NAV1: variants seen among roughly 807,000 people sequenced by gnomAD.
NAV1 encodes the protein pore membrane and/or filament interacting like protein 3.
A neutral mutation model predicts 175.2 loss-of-function variants in NAV1; 18 were observed. The ratio of observed to expected loss-of-function variants is 0.10; its 90% CI spans 0.07 to 0.15. The LOEUF (loss-of-function observed/expected upper bound fraction) is 0.15, where lower values mean the gene tolerates loss of function less well. NAV1 is among the 10% of genes least tolerant of loss of function. The pLI is 1.00. For synonymous variants in NAV1, 897 were observed against 978.7 expected, an observed-to-expected ratio of 0.92 and a Z score of 1.56; for missense variants, 1,731 against 2,436.6, an observed-to-expected ratio of 0.71 and a Z score of 6.10.
At chr1:201,545,211 C>G (rs893210957) in intron 1 of NAV1, among the ~76,000 whole-genome samples, 13 of 152,122 alleles carry the variant, frequency 8.5e-5, no homozygotes, top group African/African-American at 2.9e-4. Flanking sequence ...AACCCCACAC[C>G]TGCATAGATT....
At chr1:201,709,378 T>A (rs1171557100) in intron 1 of NAV1, among the ~76,000 whole-genome samples, 4 of 152,180 alleles carry the variant, frequency 2.6e-5, no homozygotes, top group Non-Finnish European at 4.4e-5. Context: ...CTTACTCATA[T>A]TTTTAAGCTA....
chr1:201,582,256 A>T (rs1372544878), intron 1 of NAV1, among the ~76,000 whole-genome samples: 1 of 152,198 alleles, frequency 6.6e-6, no homozygotes, highest in Non-Finnish European at 1.5e-5. Context: ...TCATATTTGC[A>T]AGAGAGGAAA....
intron 2 of NAV1, among the ~76,000 whole-genome samples, chr1:201,604,744 A>AAGAAAGAAAGAG (rs1435618132): frequency 2.0e-5 from 3 of 149,614 alleles, no homozygotes; most frequent in African/African-American, 7.3e-5. Flanking sequence ...GAAAGAAAGA[A>AAGAAAGAAAGAG]AGAGAGAGAG....
At chr1:201,781,220 A>C in exon 5 of NAV1, 1 of 1,614,016 alleles carries the variant, frequency 6.2e-7, no homozygotes, top group Non-Finnish European at 8.5e-7. Flanking sequence ...AGCCTGGGCC[A>C]CCCTGGTTCC....
Position 201,615,275 on chromosome 1 carries a change from T to TTG in NAV1, c.-32-7577_-32-7576insGT, listed in dbSNP as rs796937260. Among the ~76,000 whole-genome samples, 163 of 151,408 alleles carry TTG rather than the reference T, an allele frequency of 1.1e-3. 2 individuals carry two copies. Among genetic ancestry groups the TTG allele is most frequent in the African/African-American group, 3.9e-3 (160 of 41,224 alleles). ...TCTTTCTTTCTTTCTTTCTTTTTTT[T>TTG]TTTGTTTGAGATGGAGTCTCACTCT... On this transcript the variant is annotated intron_variant, in intron 2 of 33. Coordinates refer to the NAV1 transcript ENST00000685211.
intron 1 of NAV1, among the ~76,000 whole-genome samples, chr1:201,678,733 AC>A (rs1670355178): frequency 6.6e-6 from 1 of 152,026 alleles, no homozygotes; most frequent in Non-Finnish European, 1.5e-5. Context: ...GTTTCTTACC[AC>A]CCACTCACCA....
At chr1:201,784,814 T>C (rs1321072652) in intron 7 of NAV1, among the ~76,000 whole-genome samples, 1 of 152,168 alleles carries the variant, frequency 6.6e-6, no homozygotes, top group Non-Finnish European at 1.5e-5. Context: ...TCGCCCAGGC[T>C]GGAGTGCAGT....
At chr1:201,575,403 TAGC>T (rs1258283792) in intron 1 of NAV1, among the ~76,000 whole-genome samples, 1 of 152,222 alleles carries the variant, frequency 6.6e-6, no homozygotes, top group East Asian at 1.9e-4. Context: ...AGGGAATTTA[TAGC>T]ATGTCCAGTT....
chr1:201,692,568 A>G (rs1017426635), intron 1 of NAV1, among the ~76,000 whole-genome samples: 4 of 152,314 alleles, frequency 2.6e-5, no homozygotes, highest in African/African-American at 9.6e-5. Flanking sequence ...AAAAGCATTT[A>G]TGGTGTCTGG....
At chr1:201,633,598 C>T (rs963203913) in intron 2 of NAV1, among the ~76,000 whole-genome samples, 2 of 152,218 alleles carry the variant, frequency 1.3e-5, no homozygotes, top group East Asian at 1.9e-4. Context: ...AGCCACAGTC[C>T]CTGCTCACAT....
chr1:201,706,925 G>A (rs527908819), intron 1 of NAV1, among the ~76,000 whole-genome samples: 1 of 152,214 alleles, frequency 6.6e-6, no homozygotes, highest in South Asian at 2.1e-4. Context: ...GAATTTTGGG[G>A]GGTTATTACC....
In NAV1 at chr1:201,790,776, A is replaced by G; in HGVS notation, c.3321+10A>G. On this transcript the variant is annotated intron_variant, in intron 13 of 29. Transcript: ENST00000367296. The stretch of plus-strand genomic sequence containing the variant: ...TCAGCTTTCTGCCAATGTGAGTGCC[A>G]TGAAGTACGGAAAGATCAAGGCAGT... 4.3e-6 allele frequency: 7 copies of G among 1,613,914 alleles called. No homozygotes were observed. The highest frequency in any genetic ancestry group is 5.9e-6 in the Non-Finnish European group (7 of 1,179,784).
intron 2 of NAV1, among the ~76,000 whole-genome samples, chr1:201,596,035 C>G (rs1667338359): frequency 6.6e-6 from 1 of 152,216 alleles, no homozygotes; most frequent in South Asian, 2.1e-4. Context: ...CTTAGCGACC[C>G]CACGTCTTGA....
rs545266663 is a variant in NAV1, at chr1:201,554,339, C to T, written c.-144+14997C>T. ...TGAAGCTGTTTTACCAGCAGGACGGCCCTAATGGCAGGGACCACGTCTGTT... is the reference window on the plus strand; with the variant it reads ...TGAAGCTGTTTTACCAGCAGGACGGTCCTAATGGCAGGGACCACGTCTGTT... On this transcript the variant is annotated intron_variant, in intron 1 of 33. Coordinates refer to the NAV1 transcript ENST00000685211. Among the ~76,000 whole-genome samples the T allele has an allele frequency of 1.2e-4, 18 of 152,260 alleles. No individual in the cohort carries two copies. In the South Asian group the frequency reaches 1.5e-3, roughly 12 times the overall value.
intron 1 of NAV1, among the ~76,000 whole-genome samples, chr1:201,559,267 G>A (rs1666127265): frequency 6.6e-6 from 1 of 152,112 alleles, no homozygotes; most frequent in African/African-American, 2.4e-5. Flanking sequence ...TGGTTATAAA[G>A]GGCCTGGCTA....
rs561550014 is a variant in NAV1 at position 201,740,195 on chromosome 1, T to C, written c.1226+21440T>C. On this transcript the variant is annotated intron_variant, in intron 3 of 29. Transcript: ENST00000367296. The surrounding 1 kb of genome is among the most constrained non-coding windows in gnomAD (Gnocchi z 4.7). The stretch of plus-strand genomic sequence containing the variant: ...GCCGCAGCTGCAGTCTCAGGGGCAG[T>C]GGGTGTGGGGTCCGCAAGAAGGAGG... 1.3e-4 allele frequency: 111 copies of C among 842,306 alleles called. No homozygotes were observed. Among genetic ancestry groups the C allele is most frequent in the Non-Finnish European group, 1.6e-4 (89 of 566,704 alleles). 52.2% of individuals were successfully genotyped at this position (842,306 alleles called of 1,614,324 possible).
At chr1:201,723,544 C>T (rs1343051861) in intron 3 of NAV1, 1 of 152,180 alleles carries the variant, frequency 6.6e-6, no homozygotes, top group Admixed American at 6.5e-5. Context: ...CCTACGTTTT[C>T]TTCTGAGAGT....
chr1:201,582,382 A>C (rs1387262009), intron 1 of NAV1, among the ~76,000 whole-genome samples: 1 of 152,264 alleles, frequency 6.6e-6, no homozygotes, highest in Non-Finnish European at 1.5e-5. Flanking sequence ...CTGGAAGCAC[A>C]CAGGACCAGT....
chr1:201,811,963 C>T (rs140930855), exon 26 of NAV1: 3 of 1,614,138 alleles, frequency 1.9e-6, no homozygotes, highest in Non-Finnish European at 2.5e-6. Context: ...ATGGCTTGCA[C>T]TTGAGCTTCA....
Sources: allele counts gnomAD v4.1 joint callset (sites outside exome capture counted in the v4.1 genomes callset), GRCh38; gene constraint gnomAD v4.1.1; non-coding constraint Gnocchi (gnomAD v3.1); transcripts MANE v1.5; gene names NCBI Gene and HGNC (gene_info 2026-07-23, HGNC 2026-07-21).